Variants in MUS81 observed in about 807,000 individuals in gnomAD.
MUS81 encodes structure-specific endonuclease subunit MUS81.
In MUS81, 69 loss-of-function variants were observed where a neutral mutation model predicts 74.2. The observed-to-expected ratio is 0.93, with a 90% CI of 0.77 to 1.14. The LOEUF (loss-of-function observed/expected upper bound fraction) is 1.14. MUS81 is among the 50% of genes most tolerant of loss of function. The probability of loss-of-function intolerance (pLI) is 0.00; values close to 1 mark genes in which losing one functional copy is unlikely to be tolerated. For missense variants in MUS81, 711 were observed against 726.5 expected (o/e 0.98, Z 0.25); for synonymous variants, 303 against 300.6 (o/e 1.01, Z -0.08).
At chr11:65,866,749 C>T, downstream of MUS81, 1 of 874,096 alleles carries the variant, frequency 1.1e-6, no homozygotes, top group Non-Finnish European at 1.9e-6. Context: ...GTGAACTTGG[C>T]CTGCCCCCCC....
downstream of MUS81, chr11:65,867,251 A>C: frequency 1.4e-6 from 1 of 704,566 alleles, no homozygotes; most frequent in Non-Finnish European, 2.4e-6. Flanking sequence ...TCTCCTCCCC[A>C]CCCAGGCTCC....
At chr11:65,862,971 G>A in intron 6 of MUS81, 94 bp from the exon 7 acceptor site, 1 of 1,547,814 alleles carries the variant, frequency 6.5e-7, no homozygotes, top group Non-Finnish European at 8.9e-7. Context: ...GGGCGCCAAG[G>A]GGGTGGTGAG....
At chr11:65,866,613 G>A (rs886048504), downstream of MUS81, 21 of 702,848 alleles carry the variant, frequency 3.0e-5, no homozygotes, top group African/African-American at 2.6e-4. Flanking sequence ...TCTCTGGGCC[G>A]GGGCCTGGAG....
downstream of MUS81, chr11:65,867,617 CTG>C (rs775827928): frequency 9.4e-6 from 5 of 532,764 alleles, no homozygotes; most frequent in African/African-American, 2.1e-5. Context: ...GGTGAAGAAA[CTG>C]AGATCAATAT....
At position 65,864,432 on chromosome 11, in the gene MUS81, C is replaced by G. The variant is rs556246614; in HGVS notation, c.1060-65C>G. 2.8e-6 allele frequency: 4 copies of G among 1,413,482 alleles called. No individual in the cohort carries two copies. The East Asian group carries it at 9.1e-5, about 32-fold the overall frequency. 87.6% of individuals were successfully genotyped at this position (1,413,482 alleles called of 1,614,324 possible). ...CCCGGCACCATTTTGAGTGTGACAT[C>G]ATGGATGCCCAGGCATGTGGTCATC... is the stretch of plus-strand genomic sequence containing the variant. On this transcript the variant is annotated intron_variant, in intron 10 of 15. Coordinates refer to ENST00000308110, the MANE Select transcript of MUS81 (RefSeq NM_025128.5).
intron 7 of MUS81, 67 bp downstream of exon 7, chr11:65,863,272 G>A (rs1036845792): frequency 1.2e-5 from 19 of 1,579,308 alleles, no homozygotes; most frequent in Admixed American, 5.3e-5. Context: ...CCAAAGCCCC[G>A]CCCCAACCCA....
intron 3 of MUS81, chr11:65,861,707 T>G: frequency 1.7e-6 from 1 of 601,686 alleles, no homozygotes; most frequent in Non-Finnish European, 3.0e-6. Context: ...TAATTACACC[T>G]GTCCTGCAGC....
In MUS81 at chr11:65,863,190, C is replaced by T; in HGVS notation, c.731C>T (p.Ala244Val). The T allele has an allele frequency of 1.2e-6, 2 of 1,613,042 alleles. No homozygotes were observed. Among genetic ancestry groups the T allele is most frequent in the Non-Finnish European group, 1.7e-6 (2 of 1,179,604 alleles). ...PPGEETAVPGAASAELASEAG... is the reference protein window; with the variant it reads ...PPGEETAVPGVASAELASEAG... The stretch of plus-strand genomic sequence containing the variant: ...GGGGAGGAGACAGCAGTGCCAGGAG[C>T]AGCTTCAGCAGAGCTGTGAGGAGGA... The change falls in exon 7 of 16, where the codon GCA (alanine) becomes GTA (valine). Residue 244 changes from alanine (A) to valine (V), a missense_variant. Transcript: ENST00000308110.
At chr11:65,862,419 T>C (rs752574264) in intron 5 of MUS81, 25 bp from the exon 6 acceptor site, 5 of 1,607,556 alleles carry the variant, frequency 3.1e-6, no homozygotes, top group Middle Eastern at 1.7e-4. Flanking sequence ...AGGTGCTCTC[T>C]GAGGGTCTCT....
In MUS81 at chr11:65,865,096, G is replaced by A. The variant is rs1340891998; in HGVS notation, c.1352G>A (p.Cys451Tyr). 6.2e-7 allele frequency: 1 copy of A among 1,614,018 alleles called. No homozygotes were observed. The highest frequency in any genetic ancestry group is 1.3e-5 in the African/African-American group (1 of 74,914). Reference sequence around the variant, plus strand: ...GCCATGACCTCTCCAAACCCTCTCTGCTCACTCCTCACCTTCAGTGACTTC... The same window carrying A: ...GCCATGACCTCTCCAAACCCTCTCTACTCACTCCTCACCTTCAGTGACTTC... ...SGAMTSPNPLCSLLTFSDFNA... is the reference protein window; with the variant it reads ...SGAMTSPNPLYSLLTFSDFNA... Residue 451 changes from cysteine (C) to tyrosine (Y), a missense_variant, in exon 13 of 16, where the codon TGC becomes TAC. Transcript: ENST00000308110.
chr11:65,861,721 T>C (rs558176595), intron 3 of MUS81: 2 of 606,702 alleles, frequency 3.3e-6, no homozygotes, highest in Non-Finnish European at 2.9e-6. Flanking sequence ...CTGCAGCGCA[T>C]GGTAGAAGTG....
chr11:65,861,283 T>G (rs1484467484), intron 2 of MUS81, 67 bp from the exon 3 acceptor site: 1 of 1,537,474 alleles, frequency 6.5e-7, no homozygotes, highest in South Asian at 1.2e-5. Context: ...TCTGAGTAGG[T>G]TGCATCCCAG....
intron 2 of MUS81, 77 bp downstream of exon 2, chr11:65,861,179 G>A: frequency 6.2e-7 from 1 of 1,600,154 alleles, no homozygotes; most frequent in Non-Finnish European, 8.5e-7. Context: ...GGAGCCCTTG[G>A]CTTTTAAGCT....
At chr11:65,861,619 G>A (rs1859609510) in intron 3 of MUS81, 184 bp downstream of exon 3, 7 of 612,932 alleles carry the variant, frequency 1.1e-5, no homozygotes, top group Non-Finnish European at 2.0e-5. Flanking sequence ...AACAGCCAAT[G>A]AGAGAATTCC....
intron 6 of MUS81, 26 bp from the exon 7 acceptor site, chr11:65,863,039 G>T: frequency 6.2e-7 from 1 of 1,613,674 alleles, no homozygotes; most frequent in Non-Finnish European, 8.5e-7. Context: ...AGAAGGTAGA[G>T]CTGTGTTGTC....
At chr11:65,862,091 G>T in intron 4 of MUS81, 46 bp downstream of exon 4, 1 of 1,595,692 alleles carries the variant, frequency 6.3e-7, no homozygotes, top group Non-Finnish European at 8.6e-7. Context: ...GCAGTGGGGT[G>T]GGAGGTTCCC....
intron 12 of MUS81, 77 bp from the exon 13 acceptor site, chr11:65,864,940 A>G: frequency 6.3e-7 from 1 of 1,594,982 alleles, no homozygotes. Context: ...TGGCCCCCCA[A>G]GGCTGAGGAC....
Position 65,860,954 on chromosome 11 carries a change from C to T in MUS81, c.136-19C>T. On this transcript the variant is annotated intron_variant, in intron 1 of 15. Transcript: ENST00000308110. The stretch of plus-strand genomic sequence containing the variant: ...GGTCAGGCCTGCCCTGACCAGGTAC[C>T]CTACCCCTGCCCGGCCAGGCGCTGC... 1 of 1,610,922 alleles carries T rather than the reference C, an allele frequency of 6.2e-7. No homozygotes were observed.
chr11:65,864,033 G>T, intron 10 of MUS81, 132 bp downstream of exon 10: 1 of 863,360 alleles, frequency 1.2e-6, no homozygotes. Flanking sequence ...CCCACCCTGT[G>T]GCTGCTCCAG....
Sources: gnomAD v4.1 joint callset for allele counts on GRCh38, gnomAD v4.1.1 for gene constraint, MANE v1.5 for transcripts, NCBI Gene and HGNC (gene_info 2026-07-23, HGNC 2026-07-21) for gene names.